Variants in PSD2 observed in about 807,000 individuals in gnomAD.
PSD2 encodes pleckstrin and Sec7 domain containing 2.
A neutral mutation model predicts 69.8 loss-of-function variants in PSD2; 38 were observed. That is an observed-to-expected ratio of 0.54 (90% CI 0.42 to 0.71). PSD2 has a LOEUF of 0.71. Ranked by LOEUF, PSD2 falls within the 30% of genes least tolerant of loss-of-function variation. The pLI, the probability that PSD2 is intolerant of heterozygous loss-of-function variation, is 0.00. For missense variants in PSD2, 943 were observed against 1,014.5 expected, an observed-to-expected ratio of 0.93 and a Z score of 0.96; for synonymous variants, 412 against 423.0, an observed-to-expected ratio of 0.97 and a Z score of 0.32.
At chr5:139,758,494 G>T in the PSD2 span, among the ~76,000 whole-genome samples, 7 of 152,176 alleles carry the variant, frequency 4.6e-5, no homozygotes, top group South Asian at 1.2e-3. Flanking sequence ...GTAATCCTGA[G>T]GGTGCTGGAG....
rs1031490399 is a variant in PSD2 at position 139,839,788 on chromosome 5, G to A, written c.1969-239G>A. The stretch of plus-strand genomic sequence containing the variant: ...AGCATCTCTTGTCTCCCAAGCCTGC[G>A]GTGGGGTGGCTGGGGGGCATCGAGG... On this transcript the variant is annotated intron_variant, in intron 13 of 14. Coordinates refer to ENST00000274710, the MANE Select transcript of PSD2 (RefSeq NM_032289.4). This position sits in a 1 kb window ranked among gnomAD's most constrained non-coding sequence, Gnocchi z 5.1. Among the ~76,000 whole-genome samples, 1 of 152,172 alleles carries A rather than the reference G, an allele frequency of 6.6e-6. No individual in the cohort carries two copies. Among genetic ancestry groups the A allele is most frequent in the Non-Finnish European group, 1.5e-5 (1 of 68,030 alleles).
At chr5:139,811,251 G>A (rs565318499) in intron 2 of PSD2, among the ~76,000 whole-genome samples, 1 of 152,300 alleles carries the variant, frequency 6.6e-6, no homozygotes, top group South Asian at 2.1e-4. Context: ...AGAGCCTAAT[G>A]AGGCTGCAGT....
At chr5:139,743,982 A>T in the PSD2 span, 1 of 152,568 alleles carries the variant, frequency 6.6e-6, no homozygotes, top group Non-Finnish European at 1.5e-5. Flanking sequence ...GGGGCAAGTC[A>T]CTTCACTCTC....
At chr5:139,757,263 C>T in the PSD2 span, among the ~76,000 whole-genome samples, 1 of 152,190 alleles carries the variant, frequency 6.6e-6, no homozygotes, top group South Asian at 2.1e-4. Context: ...GAATCATCCT[C>T]CTCACACTCA....
intron 7 of PSD2, among the ~76,000 whole-genome samples, chr5:139,823,751 G>A (rs1026147945): frequency 6.6e-6 from 1 of 152,228 alleles, no homozygotes; most frequent in Non-Finnish European, 1.5e-5. Context: ...ATTTCATTAT[G>A]AAGAAAATTG....
In PSD2 at chr5:139,815,910, C is replaced by T. The variant is rs932074041; in HGVS notation, c.1016+1546C>T. 1.4e-4 allele frequency among the ~76,000 whole-genome samples: 21 copies of T among 149,860 alleles called. 1 individual carries two copies. Among genetic ancestry groups the T allele is most frequent in the Admixed American group, 1.3e-3 (19 of 14,884 alleles). On this transcript the variant is annotated intron_variant, in intron 4 of 14. Coordinates refer to ENST00000274710, the MANE Select transcript of PSD2 (RefSeq NM_032289.4). Reference sequence around the variant, plus strand: ...TCGGGAGGCTGAGGCAGGAGAATCGCTTGATCCTGGGAGGCGGAGGTTGCA... The same window carrying T: ...TCGGGAGGCTGAGGCAGGAGAATCGTTTGATCCTGGGAGGCGGAGGTTGCA...
chr5:139,781,128 T>C, the PSD2 span, among the ~76,000 whole-genome samples: 1 of 152,078 alleles, frequency 6.6e-6, no homozygotes, highest in Non-Finnish European at 1.5e-5. Context: ...AATTATTGTT[T>C]AAAAAAACAA....
chr5:139,813,798 G>T, intron 3 of PSD2, 40 bp downstream of exon 3: 1 of 1,532,326 alleles, frequency 6.5e-7, no homozygotes, highest in South Asian at 1.2e-5. Context: ...CCGAGCAGAT[G>T]GGGAAACTGA....
At chr5:139,817,406 C>T in intron 4 of PSD2, 75 bp from the exon 5 acceptor site, 2 of 1,382,330 alleles carry the variant, frequency 1.4e-6, no homozygotes, top group East Asian at 2.3e-5. Flanking sequence ...TACCCTGGGC[C>T]CAAGTAATGC....
the PSD2 span, among the ~76,000 whole-genome samples, chr5:139,767,451 A>T: frequency 6.6e-6 from 1 of 152,092 alleles, no homozygotes; most frequent in Non-Finnish European, 1.5e-5. Flanking sequence ...AGTAGCTGGG[A>T]TTACAGGCAT....
the PSD2 span, among the ~76,000 whole-genome samples, chr5:139,786,782 G>A: frequency 1.3e-5 from 2 of 152,108 alleles, no homozygotes; most frequent in Non-Finnish European, 2.9e-5. Flanking sequence ...AAAGCTGGAC[G>A]TAAGCTCAGA....
chr5:139,817,109 C>A (rs146777215), intron 4 of PSD2, among the ~76,000 whole-genome samples: 126 of 152,340 alleles, frequency 8.3e-4, no homozygotes, highest in African/African-American at 2.9e-3. Context: ...CTGGTCCTTC[C>A]CCTGGTCCCG....
At chr5:139,800,701 G>A (rs1378769107) in intron 1 of PSD2, among the ~76,000 whole-genome samples, 11 of 152,140 alleles carry the variant, frequency 7.2e-5, no homozygotes, top group African/African-American at 1.9e-4. Context: ...GTCTGCCAGC[G>A]TCTGCACTCA....
At chr5:139,758,444 C>A in the PSD2 span, among the ~76,000 whole-genome samples, 1 of 151,968 alleles carries the variant, frequency 6.6e-6, no homozygotes, top group South Asian at 2.1e-4. Flanking sequence ...TGCTGCGGAC[C>A]GTGCGGGCAG....
Position 139,813,547 on chromosome 5 carries a change from G to A in PSD2, c.610G>A (p.Ala204Thr), listed in dbSNP as rs775707413. 5.0e-6 allele frequency: 8 copies of A among 1,610,912 alleles called. No homozygotes were observed. The highest frequency in any genetic ancestry group is 5.9e-6 in the Non-Finnish European group (7 of 1,177,578). The change falls in exon 3 of 15, where the codon GCG becomes ACG. Residue 204 changes from alanine to threonine, a missense_variant. Around this residue, in one of 3 missense-constraint regions of PSD2, gnomAD observed 466 missense variants for 445.0 expected, o/e 1.05. Coordinates refer to ENST00000274710, the MANE Select transcript of PSD2 (RefSeq NM_032289.4). The part of the protein sequence containing the change: ...PGAGLGIGDM[A>T]FEGDMGAAGG... ...GGCTGGGTTGGGCATTGGGGACATG[G>A]CGTTTGAGGGGGACATGGGGGCAGC...
Position 139,813,523 on chromosome 5 carries a change from G to A in PSD2, c.586G>A (p.Ala196Thr), listed in dbSNP as rs1306151202. The A allele has an allele frequency of 6.2e-7, 1 of 1,610,864 alleles. No individual in the cohort carries two copies. Among genetic ancestry groups the A allele is most frequent in the Non-Finnish European group, 8.5e-7 (1 of 1,177,426 alleles). The change falls in exon 3 of 15, where the codon GCT becomes ACT. Residue 196 changes from alanine (A) to threonine (T), a missense_variant. By Grantham distance (58) the Ala-to-Thr change is moderately conservative. Around this residue, in one of 3 missense-constraint regions of PSD2, gnomAD observed 466 missense variants for 445.0 expected, o/e 1.05. Transcript: ENST00000274710. ...GGCCCGTGACAGCCCTGAGCCAGGGGCTGGGTTGGGCATTGGGGACATGGC... is the reference window on the plus strand; with the variant it reads ...GGCCCGTGACAGCCCTGAGCCAGGGACTGGGTTGGGCATTGGGGACATGGC... ...QRARDSPEPG[A>T]GLGIGDMAFE...
intron 1 of PSD2, among the ~76,000 whole-genome samples, chr5:139,796,234 C>A (rs1471360389): frequency 6.6e-6 from 1 of 152,196 alleles, no homozygotes; most frequent in Admixed American, 6.5e-5. Flanking sequence ...GAGGGGGCGC[C>A]GCGGGAAAGC....
In PSD2 at chr5:139,813,356, C is replaced by G; in HGVS notation, c.419C>G (p.Thr140Arg). ...EPDVRDGFSA[T>R]FEKILESELL... ...GATGTGCGGGATGGCTTCAGCGCCACGTTTGAGAAGATTCTGGAGTCAGAG... is the reference window on the plus strand; with the variant it reads ...GATGTGCGGGATGGCTTCAGCGCCAGGTTTGAGAAGATTCTGGAGTCAGAG... Residue 140 changes from threonine (T) to arginine (R), a missense_variant, in exon 3 of 15, where the codon ACG becomes AGG. Thr to Arg is a moderately conservative substitution (Grantham distance 71). Around this residue, in one of 3 missense-constraint regions of PSD2, gnomAD observed 466 missense variants for 445.0 expected, o/e 1.05. Transcript: ENST00000274710. 6.3e-7 allele frequency: 1 copy of G among 1,586,730 alleles called. No individual in the cohort carries two copies. Among genetic ancestry groups the G allele is most frequent in the South Asian group, 1.1e-5 (1 of 88,674 alleles).
At chr5:139,772,332 AC>A in the PSD2 span, among the ~76,000 whole-genome samples, 3 of 152,000 alleles carry the variant, frequency 2.0e-5, no homozygotes, top group African/African-American at 7.2e-5. Flanking sequence ...TGCCCCAAGG[AC>A]TGTTGAGAGC....
Sources: gnomAD v4.1 joint callset for allele counts (sites outside exome capture counted in the v4.1 genomes callset) on GRCh38, gnomAD v4.1.1 for gene constraint, gnomAD v4.1.1 regional missense constraint, Gnocchi (gnomAD v3.1) non-coding constraint, MANE v1.5 for transcripts, NCBI Gene and HGNC (gene_info 2026-07-23, HGNC 2026-07-21) for gene names.